VCL: variants seen among roughly 807,000 people sequenced by gnomAD.
VCL encodes vinculin, also known as epididymis luminal protein 114.
Under a neutral mutation model 125.7 loss-of-function variants are expected in VCL, and 47 were observed. The observed-to-expected ratio is 0.37, with a 90% CI of 0.30 to 0.48. The LOEUF (loss-of-function observed/expected upper bound fraction) is 0.48. VCL is among the 20% of genes least tolerant of loss of function. The pLI is 0.99. For missense variants in VCL, 1,069 were observed against 1,455.5 expected (o/e 0.73, Z 4.32); for synonymous variants, 458 against 514.6 (o/e 0.89, Z 1.49).
At position 74,037,279 on chromosome 10, in the gene VCL, T is replaced by C. The variant is rs11817506; in HGVS notation, c.169-5804T>C. 5.8e-3 allele frequency among the ~76,000 whole-genome samples: 885 copies of C among 152,312 alleles called. 6 individuals are homozygous for C. Among genetic ancestry groups the C allele is most frequent in the African/African-American group, 0.02 (837 of 41,568 alleles). Reference sequence around the variant, plus strand: ...GTGCTATGGAAATTTTCTGTTTTGATGGTGACAGGAGAGTACAGGAAAATG... The same window carrying C: ...GTGCTATGGAAATTTTCTGTTTTGACGGTGACAGGAGAGTACAGGAAAATG... On this transcript the variant is annotated intron_variant, in intron 1 of 21. Coordinates refer to ENST00000211998, the MANE Select transcript of VCL (RefSeq NM_014000.3).
At chr10:74,056,534 T>A (rs1841394263) in intron 2 of VCL, among the ~76,000 whole-genome samples, 1 of 152,186 alleles carries the variant, frequency 6.6e-6, no homozygotes, top group East Asian at 1.9e-4. Flanking sequence ...GGATGAGGTC[T>A]GTAGGATCTT....
At position 74,090,215 on chromosome 10, in the gene VCL, T is replaced by C. The variant is rs1383729349; in HGVS notation, c.1352+17T>C. ...ACGAAGACAGTATGTATTTAACCCT[T>C]ACATTGCCTTTTCATATCTTTTCTT... On this transcript the variant is annotated intron_variant, in intron 10 of 21. Transcript: ENST00000211998. The C allele has an allele frequency of 6.2e-7, 1 of 1,613,734 alleles. No individual in the cohort carries two copies. Among genetic ancestry groups the C allele is most frequent in the Non-Finnish European group, 8.5e-7 (1 of 1,179,838 alleles).
intron 13 of VCL, among the ~76,000 whole-genome samples, chr10:74,100,335 A>C (rs1840032374): frequency 6.6e-6 from 1 of 152,242 alleles, no homozygotes. Flanking sequence ...ACAATTAAGT[A>C]GATGATTTTG....
chr10:74,059,446 G>A (rs140343541), intron 2 of VCL, among the ~76,000 whole-genome samples: 25 of 150,084 alleles, frequency 1.7e-4, no homozygotes, highest in Admixed American at 4.0e-4. Flanking sequence ...GCCCTGTCAC[G>A]AAGGCTGTAG....
In VCL at chr10:74,082,661, G is replaced by C. The variant is rs1839696383; in HGVS notation, c.874+117G>C. On this transcript the variant is annotated intron_variant, in intron 7 of 21. Transcript: ENST00000211998. ...CTGAGAGAACTACTGTAACATTATGGGGCATACCCCATTATCTGATAGTTC... is the reference window on the plus strand; with the variant it reads ...CTGAGAGAACTACTGTAACATTATGCGGCATACCCCATTATCTGATAGTTC... 14 of 1,049,362 alleles carry C rather than the reference G, an allele frequency of 1.3e-5. No homozygotes were observed. In the South Asian group the frequency reaches 1.6e-4, roughly 12 times the overall value. 65.0% of individuals were successfully genotyped at this position (1,049,362 alleles called of 1,614,324 possible).
At chr10:74,016,334 G>C (rs1296174316) in intron 1 of VCL, among the ~76,000 whole-genome samples, 2 of 152,062 alleles carry the variant, frequency 1.3e-5, no homozygotes, top group African/African-American at 4.8e-5. Flanking sequence ...GTGAAGGCTG[G>C]GTAAGGTGGC....
intron 1 of VCL, among the ~76,000 whole-genome samples, chr10:74,036,163 T>G (rs1269358287): frequency 6.6e-6 from 1 of 152,196 alleles, no homozygotes; most frequent in African/African-American, 2.4e-5. Context: ...CTAATTAGAC[T>G]ATAACTAAGA....
chr10:74,103,396 A>G (rs1027965457), intron 14 of VCL, among the ~76,000 whole-genome samples: 3 of 152,224 alleles, frequency 2.0e-5, no homozygotes, highest in African/African-American at 7.2e-5. Context: ...AAGTAGAGAT[A>G]TTAACTGTCC....
intron 21 of VCL, 131 bp downstream of exon 21, chr10:74,115,030 T>A: frequency 1.1e-6 from 1 of 926,546 alleles, no homozygotes; most frequent in Non-Finnish European, 1.7e-6. Flanking sequence ...GCACTCAGAC[T>A]GTCTCAGGAG....
At position 74,118,981 on chromosome 10, in the gene VCL, AG is replaced by A. The variant is rs1214983700; in HGVS notation, c.*815del. On this transcript the variant is annotated 3_prime_UTR_variant, in exon 22 of 22. Transcript: ENST00000211998. Reference sequence around the variant, plus strand: ...TGTCCTGGTGCTCTCTGCCACTGGAAGGGCAGAGTAGCCAGGGTGTGGCCCT... The same window carrying A: ...TGTCCTGGTGCTCTCTGCCACTGGAAGGCAGAGTAGCCAGGGTGTGGCCCT... The A allele has an allele frequency of 6.5e-6, 1 of 152,840 alleles. No homozygotes were observed. The highest frequency in any genetic ancestry group is 1.5e-5 in the Non-Finnish European group (1 of 68,228). The allele number at this position is 152,840 out of a possible 1,614,324, so 9.5% of individuals were successfully genotyped here. A position where few individuals can be genotyped will look rare whatever the true frequency, so the allele number is the denominator to read the frequency against.
intron 17 of VCL, among the ~76,000 whole-genome samples, chr10:74,107,796 G>C (rs1398543534): frequency 3.3e-5 from 5 of 152,062 alleles, no homozygotes; most frequent in African/African-American, 4.8e-5. Context: ...TAAGTAACAA[G>C]ATACATGCTT....
intron 12 of VCL, among the ~76,000 whole-genome samples, chr10:74,096,150 CTT>C (rs66999390): frequency 5.0e-5 from 1 of 20,042 alleles, no homozygotes. Flanking sequence ...TTAAAATGGA[CTT>C]TTTTTTTTTT....
chr10:74,038,678 C>T (rs1841032351), intron 1 of VCL, among the ~76,000 whole-genome samples: 1 of 152,168 alleles, frequency 6.6e-6, no homozygotes, highest in Non-Finnish European at 1.5e-5. Flanking sequence ...TCTTTCCTTA[C>T]CTACTCCTAC....
At chr10:74,030,902 C>T (rs929157886) in intron 1 of VCL, among the ~76,000 whole-genome samples, 1 of 152,200 alleles carries the variant, frequency 6.6e-6, no homozygotes, top group African/African-American at 2.4e-5. Flanking sequence ...ATTGCAACCT[C>T]TGGCACAAAT....
chr10:74,052,418 A>C (rs1188031986), intron 2 of VCL, among the ~76,000 whole-genome samples: 1 of 132,984 alleles, frequency 7.5e-6, no homozygotes, highest in East Asian at 2.1e-4. Flanking sequence ...ACTCTGTAGC[A>C]CAAGTTGGAG....
At chr10:74,084,373 C>A (rs2131901603) in intron 8 of VCL, among the ~76,000 whole-genome samples, 1 of 152,102 alleles carries the variant, frequency 6.6e-6, no homozygotes, top group South Asian at 2.1e-4. Context: ...CTCACTGCAA[C>A]CCCTGCCTCC....
At chr10:74,004,019 C>A (rs912335847) in intron 1 of VCL, among the ~76,000 whole-genome samples, 1 of 152,154 alleles carries the variant, frequency 6.6e-6, no homozygotes, top group Admixed American at 6.5e-5. Context: ...CTGTGTCCAG[C>A]CTACTCTGAT....
At chr10:74,096,635 T>C (rs1205896903) in intron 12 of VCL, among the ~76,000 whole-genome samples, 1 of 152,232 alleles carries the variant, frequency 6.6e-6, no homozygotes, top group Non-Finnish European at 1.5e-5. Context: ...TGTTCATGGC[T>C]TCTAAGAATA....
chr10:74,055,819 G>A (rs1279909896), intron 2 of VCL, among the ~76,000 whole-genome samples: 1 of 152,102 alleles, frequency 6.6e-6, no homozygotes, highest in Non-Finnish European at 1.5e-5. Context: ...GGACCAGGAG[G>A]TAGCAGAGTT....
Sources: gnomAD v4.1 joint callset for allele counts (sites outside exome capture counted in the v4.1 genomes callset) on GRCh38, gnomAD v4.1.1 for gene constraint, MANE v1.5 for transcripts, NCBI Gene and HGNC (gene_info 2026-07-23, HGNC 2026-07-21) for gene names.